Variants in CEP85L observed in about 807,000 individuals in gnomAD.
CEP85L encodes centrosomal protein 85L, also known as centrosomal protein of 85 kDa-like.
CEP85L carries 60 observed loss-of-function variants against 100.3 expected under a neutral mutation model. That is an observed-to-expected ratio of 0.60 (90% CI 0.49 to 0.74). CEP85L has a LOEUF of 0.74. Among genes scored for constraint, CEP85L ranks in the 30% least tolerant of loss-of-function variants. The pLI is 0.00. For synonymous variants in CEP85L, 319 were observed against 322.7 expected (o/e 0.99, Z 0.12); for missense variants, 973 against 936.2 (o/e 1.04, Z -0.51).
chr6:118,544,981 A>T (rs1167043826), intron 3 of CEP85L, among the ~76,000 whole-genome samples: 2 of 151,958 alleles, frequency 1.3e-5, no homozygotes, highest in African/African-American at 4.8e-5. Context: ...TAATTATCAA[A>T]CCCTCAAGTA....
chr6:118,630,561 TA>T (rs1562323650), intron 2 of CEP85L, among the ~76,000 whole-genome samples: 1 of 152,196 alleles, frequency 6.6e-6, no homozygotes, highest in African/African-American at 2.4e-5. Context: ...TGAATGTTGA[TA>T]AACTGTGGTA....
intron 3 of CEP85L, among the ~76,000 whole-genome samples, chr6:118,564,127 C>T (rs936909117): frequency 4.7e-5 from 7 of 147,476 alleles, no homozygotes; most frequent in African/African-American, 1.7e-4. Flanking sequence ...ACCTCCCTAC[C>T]CTCCTCTGCA....
chr6:118,542,918 A>AAC (rs1554216884), intron 3 of CEP85L, among the ~76,000 whole-genome samples: 1 of 150,218 alleles, frequency 6.7e-6, no homozygotes, highest in Non-Finnish European at 1.5e-5. Context: ...AAAAAAAAAA[A>AAC]AAAAACAGGA....
intron 2 of CEP85L, among the ~76,000 whole-genome samples, chr6:118,599,156 G>A (rs1214631777): frequency 2.0e-5 from 3 of 152,156 alleles, no homozygotes; most frequent in South Asian, 2.1e-4. Flanking sequence ...CCCAGATCTT[G>A]GTTTCTGAAT....
intron 10 of CEP85L, among the ~76,000 whole-genome samples, chr6:118,471,731 C>T (rs1341494513): frequency 2.6e-5 from 4 of 151,060 alleles, no homozygotes; most frequent in African/African-American, 9.7e-5. Context: ...AGTGTTTCTC[C>T]TTCTAGGGAA....
At chr6:118,707,052 A>G (rs1777613281) in intron 1 of CEP85L, among the ~76,000 whole-genome samples, 1 of 152,110 alleles carries the variant, frequency 6.6e-6, no homozygotes, top group Non-Finnish European at 1.5e-5. Context: ...TCCCTGTCTG[A>G]GCCCAGGCTA....
At chr6:118,550,669 C>G (rs895443310) in intron 3 of CEP85L, among the ~76,000 whole-genome samples, 1 of 151,810 alleles carries the variant, frequency 6.6e-6, no homozygotes, top group Non-Finnish European at 1.5e-5. Context: ...TGTCACTAAG[C>G]CACATGCACA....
intron 2 of CEP85L, among the ~76,000 whole-genome samples, chr6:118,595,602 G>A (rs1781422054): frequency 6.6e-6 from 1 of 152,138 alleles, no homozygotes; most frequent in African/African-American, 2.4e-5. Flanking sequence ...AGGTTAAAAA[G>A]GAAGAGGCAA....
At chr6:118,614,799 C>T (rs1167776502) in intron 2 of CEP85L, among the ~76,000 whole-genome samples, 1 of 152,138 alleles carries the variant, frequency 6.6e-6, no homozygotes, top group African/African-American at 2.4e-5. Context: ...CAAGATCGTG[C>T]CATTGCACTC....
chr6:118,568,844 T>G (rs1265139093), intron 2 of CEP85L, among the ~76,000 whole-genome samples: 3 of 152,174 alleles, frequency 2.0e-5, no homozygotes, highest in Non-Finnish European at 4.4e-5. Context: ...GGAATATTTG[T>G]ATTCACATAT....
At chr6:118,623,999 C>T (rs565035733) in intron 2 of CEP85L, among the ~76,000 whole-genome samples, 1 of 152,212 alleles carries the variant, frequency 6.6e-6, no homozygotes, top group Non-Finnish European at 1.5e-5. Flanking sequence ...ATTCACCACA[C>T]CCGAGTTAAA....
chr6:118,485,018 T>C (rs1257297764), intron 6 of CEP85L, among the ~76,000 whole-genome samples: 1 of 152,212 alleles, frequency 6.6e-6, no homozygotes, highest in East Asian at 1.9e-4. Flanking sequence ...ACCGAACACT[T>C]ATGTCACACA....
At chr6:118,495,288 G>A (rs573342936) in intron 5 of CEP85L, among the ~76,000 whole-genome samples, 1 of 152,204 alleles carries the variant, frequency 6.6e-6, no homozygotes, top group African/African-American at 2.4e-5. Context: ...GTGCTGGGGT[G>A]GAATGACACG....
At chr6:118,482,101 G>C (rs1399284214) in intron 7 of CEP85L, among the ~76,000 whole-genome samples, 168 bp from the exon 8 acceptor site, 1 of 150,680 alleles carries the variant, frequency 6.6e-6, no homozygotes, top group Non-Finnish European at 1.5e-5. Flanking sequence ...CTCTTCCTCT[G>C]TGTGAAAGGC....
intron 2 of CEP85L, among the ~76,000 whole-genome samples, chr6:118,598,539 G>C (rs1781569008): frequency 6.6e-6 from 1 of 152,106 alleles, no homozygotes; most frequent in African/African-American, 2.4e-5. Context: ...AAAGCTCAGG[G>C]AAGAAGGACA....
At chr6:118,671,898 C>A (rs1776317162) in intron 1 of CEP85L, among the ~76,000 whole-genome samples, 1 of 152,146 alleles carries the variant, frequency 6.6e-6, no homozygotes, top group Non-Finnish European at 1.5e-5. Context: ...GATGGTGCCA[C>A]TGAACTCCAG....
chr6:118,678,446 A>C (rs941868608), intron 1 of CEP85L, among the ~76,000 whole-genome samples: 11 of 152,192 alleles, frequency 7.2e-5, no homozygotes, highest in Non-Finnish European at 1.2e-4. Flanking sequence ...TCAGCAGCAC[A>C]TCAGAAAATC....
At chr6:118,534,242 A>G (rs1000468880) in intron 3 of CEP85L, among the ~76,000 whole-genome samples, 2 of 152,236 alleles carry the variant, frequency 1.3e-5, no homozygotes, top group African/African-American at 4.8e-5. Flanking sequence ...TCTATATATT[A>G]ACAACAAAAG....
chr6:118,563,903 T>C (rs1399622468), intron 3 of CEP85L, among the ~76,000 whole-genome samples: 1 of 152,234 alleles, frequency 6.6e-6, no homozygotes, highest in Non-Finnish European at 1.5e-5. Flanking sequence ...AGTCATTTAA[T>C]GATTACAACT....
Sources: gnomAD v4.1 joint callset for allele counts (sites outside exome capture counted in the v4.1 genomes callset) on GRCh38, gnomAD v4.1.1 for gene constraint, MANE v1.5 for transcripts, NCBI Gene and HGNC (gene_info 2026-07-23, HGNC 2026-07-21) for gene names.